Variants in SORCS2 observed in about 807,000 individuals in gnomAD.
SORCS2 encodes the protein VPS10 domain-containing receptor SorCS2.
A neutral mutation model predicts 141.6 loss-of-function variants in SORCS2; 100 were observed. That is an observed-to-expected ratio of 0.71 (90% CI 0.60 to 0.83). SORCS2 has a LOEUF of 0.83. Ranked by LOEUF, SORCS2 falls within the 40% of genes least tolerant of loss-of-function variation. The probability of loss-of-function intolerance (pLI) is 0.00; values close to 1 mark genes in which losing one functional copy is unlikely to be tolerated. For synonymous variants in SORCS2, 789 were observed against 676.9 expected, an observed-to-expected ratio of 1.17 and a Z score of -2.57; for missense variants, 1,646 against 1,560.2, an observed-to-expected ratio of 1.05 and a Z score of -0.93.
chr4:7,459,291 A>G (rs1017414272), intron 2 of SORCS2, among the ~76,000 whole-genome samples: 3 of 152,036 alleles, frequency 2.0e-5, no homozygotes, highest in African/African-American at 4.8e-5. Context: ...AAGTATTGCT[A>G]TGGAGAAGGC....
intron 1 of SORCS2, among the ~76,000 whole-genome samples, chr4:7,234,277 C>T (rs1712109291): frequency 6.6e-6 from 1 of 152,232 alleles, no homozygotes; most frequent in African/African-American, 2.4e-5. Flanking sequence ...GTTGTGGGGA[C>T]ACTGCCTTCT....
intron 3 of SORCS2, among the ~76,000 whole-genome samples, chr4:7,628,310 C>T (rs1343146298): frequency 2.0e-5 from 3 of 152,094 alleles, no homozygotes; most frequent in Non-Finnish European, 4.4e-5. Context: ...ATCACGAGGT[C>T]AGGAGATCCA....
At chr4:7,353,322 G>A (rs1200527833) in intron 1 of SORCS2, among the ~76,000 whole-genome samples, 4 of 152,202 alleles carry the variant, frequency 2.6e-5, no homozygotes, top group Non-Finnish European at 5.9e-5. Flanking sequence ...AGGGCCCAGA[G>A]GGAAGTCCAC....
chr4:7,372,829 C>T (rs10029954), intron 1 of SORCS2, among the ~76,000 whole-genome samples: 21,100 of 151,878 alleles, frequency 0.14, 2,222 homozygotes, highest in East Asian at 0.56. Context: ...CATCTGTGAC[C>T]TTCCGGGCCT....
intron 2 of SORCS2, among the ~76,000 whole-genome samples, chr4:7,397,438 A>AGCTCCC (rs1724286722): frequency 6.6e-6 from 1 of 151,948 alleles, no homozygotes; most frequent in Non-Finnish European, 1.5e-5. Flanking sequence ...GCTCCCAGCA[A>AGCTCCC]AAACGCTTTT....
chr4:7,524,509 C>T (rs528131278), intron 2 of SORCS2, among the ~76,000 whole-genome samples: 1 of 152,114 alleles, frequency 6.6e-6, no homozygotes, highest in Non-Finnish European at 1.5e-5. Context: ...CTAGAATTGC[C>T]TTGTCTGGTT....
intron 3 of SORCS2, among the ~76,000 whole-genome samples, chr4:7,543,615 TCCAC>T (rs1712896839): frequency 1.6e-5 from 2 of 128,450 alleles, no homozygotes; most frequent in Non-Finnish European, 3.3e-5. Flanking sequence ...CATCCGTCCA[TCCAC>T]CCATCCATCC....
Position 7,243,246 on chromosome 4 carries a change from G to A in SORCS2, c.480+50120G>A, listed in dbSNP as rs151079593. Among the ~76,000 whole-genome samples, 137 of 152,306 alleles carry A rather than the reference G, an allele frequency of 9.0e-4. 1 individual carries two copies. Among genetic ancestry groups the A allele is most frequent in the Middle Eastern group, 3.4e-3 (1 of 294 alleles). On this transcript the variant is annotated intron_variant, in intron 1 of 26. Coordinates refer to ENST00000507866, the MANE Select transcript of SORCS2 (RefSeq NM_020777.3). ...ATAGAAATGGCAAGGGCTGGATTTA[G>A]GAGGTAGGTTTTGGATTTTGGGCAA...
chr4:7,729,511 G>A (rs2148891278), intron 22 of SORCS2, 76 bp from the exon 23 acceptor site: 1 of 1,511,624 alleles, frequency 6.6e-7, no homozygotes. Flanking sequence ...GGGAGAGAGG[G>A]TGTTCCTGGG....
intron 1 of SORCS2, among the ~76,000 whole-genome samples, chr4:7,290,889 A>G (rs1477248058): frequency 1.3e-5 from 2 of 152,162 alleles, no homozygotes; most frequent in Non-Finnish European, 2.9e-5. Flanking sequence ...TGGAGCAGAC[A>G]TAGTCCCTGG....
chr4:7,483,824 T>C (rs1423579705), intron 2 of SORCS2, among the ~76,000 whole-genome samples: 2 of 152,074 alleles, frequency 1.3e-5, no homozygotes, highest in African/African-American at 4.8e-5. Context: ...AGATGACGGG[T>C]TGATGGGTGC....
intron 2 of SORCS2, 93 bp from the exon 3 acceptor site, chr4:7,531,436 GC>G: frequency 8.3e-7 from 1 of 1,211,128 alleles, no homozygotes; most frequent in Non-Finnish European, 1.2e-6. Flanking sequence ...CACTCGGCCC[GC>G]ACGGGCACAG....
intron 3 of SORCS2, among the ~76,000 whole-genome samples, chr4:7,594,538 T>C (rs1717133076): frequency 6.6e-6 from 1 of 152,198 alleles, no homozygotes; most frequent in Non-Finnish European, 1.5e-5. Context: ...ATTCATAGGA[T>C]GGGACCCACA....
chr4:7,580,717 G>A (rs1716086767), intron 3 of SORCS2, among the ~76,000 whole-genome samples: 1 of 152,162 alleles, frequency 6.6e-6, no homozygotes, highest in Non-Finnish European at 1.5e-5. Context: ...TGGGGGAGAT[G>A]TGGGAAGAGT....
intron 2 of SORCS2, among the ~76,000 whole-genome samples, chr4:7,446,285 C>T (rs1471511112): frequency 6.6e-6 from 1 of 152,186 alleles, no homozygotes; most frequent in Non-Finnish European, 1.5e-5. Context: ...GCACTCGGCC[C>T]TATGCCCCAC....
chr4:7,630,600 C>G (rs78664756), intron 3 of SORCS2, among the ~76,000 whole-genome samples: 2 of 152,150 alleles, frequency 1.3e-5, no homozygotes, highest in Non-Finnish European at 2.9e-5. Context: ...CCAGGCTAGC[C>G]GCCGGAGTGT....
intron 3 of SORCS2, among the ~76,000 whole-genome samples, chr4:7,600,519 G>A (rs1717587704): frequency 6.6e-6 from 1 of 152,180 alleles, no homozygotes; most frequent in African/African-American, 2.4e-5. Context: ...TCGGCTCCCA[G>A]TCCCGGCTGG....
chr4:7,345,071 G>A (rs1720580077), intron 1 of SORCS2, among the ~76,000 whole-genome samples: 1 of 152,140 alleles, frequency 6.6e-6, no homozygotes, highest in Non-Finnish European at 1.5e-5. Context: ...TCCTCCCAGG[G>A]ACTTGGATGG....
chr4:7,462,164 C>T (rs116456714), intron 2 of SORCS2, among the ~76,000 whole-genome samples: 3,118 of 152,300 alleles, frequency 0.02, 79 homozygotes, highest in African/African-American at 0.065. Flanking sequence ...GGTGGGGAGA[C>T]GAGCTGACAT....
Sources: allele counts gnomAD v4.1 joint callset (sites outside exome capture counted in the v4.1 genomes callset), GRCh38; gene constraint gnomAD v4.1.1; transcripts MANE v1.5; gene names NCBI Gene and HGNC (gene_info 2026-07-23, HGNC 2026-07-21).